Variants in EVA1C observed in about 807,000 individuals in gnomAD.
The protein encoded by EVA1C is protein eva-1 homolog C.
In EVA1C, 25 loss-of-function variants were observed where a neutral mutation model predicts 45.4. That is an observed-to-expected ratio of 0.55 (90% CI 0.40 to 0.77). The LOEUF is 0.77. Ranked by LOEUF, EVA1C falls within the 30% of genes least tolerant of loss-of-function variation. EVA1C has a pLI of 0.00. For missense variants in EVA1C, 479 were observed against 554.8 expected (o/e 0.86, Z 1.37); for synonymous variants, 190 against 221.2 (o/e 0.86, Z 1.25).
chr21:32,488,614 CT>C (rs765219606), intron 4 of EVA1C, among the ~76,000 whole-genome samples: 6 of 148,830 alleles, frequency 4.0e-5, no homozygotes, highest in Non-Finnish European at 8.9e-5. Context: ...GAGATGGAGT[CT>C]TGCTCTGTTG....
At position 32,507,767 on chromosome 21, in the gene EVA1C, T is replaced by C. The variant is rs1220569015; in HGVS notation, c.949+3752T>C. Among the ~76,000 whole-genome samples the C allele has an allele frequency of 2.6e-5, 4 of 151,680 alleles. No homozygotes were observed. In the South Asian group the frequency reaches 8.3e-4, roughly 32 times the overall value. ...ATGTGCATATGTGTTTGCGTGTGTG[T>C]GCATGTATGTGTATCTCTGTGCATA... On this transcript the variant is annotated intron_variant, in intron 7 of 7. Transcript: ENST00000300255.
intron 5 of EVA1C, among the ~76,000 whole-genome samples, chr21:32,497,543 T>C (rs1016487633): frequency 2.6e-5 from 4 of 152,232 alleles, no homozygotes; most frequent in Non-Finnish European, 4.4e-5. Context: ...ATTTTTTTAT[T>C]CTGTACAATA....
intron 2 of EVA1C, among the ~76,000 whole-genome samples, chr21:32,455,979 G>A (rs2035766138): frequency 6.6e-6 from 1 of 152,076 alleles, no homozygotes; most frequent in African/African-American, 2.4e-5. Flanking sequence ...CACAACCTCT[G>A]CCTCCCAGGT....
chr21:32,468,590 C>G (rs113781870), intron 4 of EVA1C, among the ~76,000 whole-genome samples: 2,781 of 152,010 alleles, frequency 0.018, 82 homozygotes, highest in African/African-American at 0.063. Context: ...GCAAGGAGAG[C>G]CAGTTCAAGC....
At chr21:32,433,670 T>C (rs1372026052) in intron 1 of EVA1C, among the ~76,000 whole-genome samples, 1 of 152,190 alleles carries the variant, frequency 6.6e-6, no homozygotes, top group African/African-American at 2.4e-5. Context: ...GTCATATTCA[T>C]AAAGGTGAAC....
At chr21:32,412,572 C>T (rs1245079593), upstream of EVA1C, 2 of 348,580 alleles carry the variant, frequency 5.7e-6, no homozygotes, top group Non-Finnish European at 1.0e-5. Flanking sequence ...CGGCCCCCCT[C>T]GCTTCCTCCG....
At chr21:32,509,936 G>A (rs1001426552) in intron 7 of EVA1C, among the ~76,000 whole-genome samples, 2 of 152,052 alleles carry the variant, frequency 1.3e-5, no homozygotes, top group South Asian at 2.1e-4. Context: ...GGAAGTTCTC[G>A]GGAGTTGAAC....
intron 4 of EVA1C, among the ~76,000 whole-genome samples, chr21:32,484,363 G>A (rs1169528797): frequency 6.6e-6 from 1 of 151,974 alleles, no homozygotes; most frequent in Non-Finnish European, 1.5e-5. Flanking sequence ...GACCAAGATG[G>A]TGAAACCCCA....
intron 3 of EVA1C, among the ~76,000 whole-genome samples, chr21:32,466,383 C>T (rs2036174018): frequency 2.7e-5 from 4 of 147,926 alleles, no homozygotes; most frequent in Admixed American, 2.0e-4. Context: ...CGTGCCACTG[C>T]ACTCCAGCCT....
intron 7 of EVA1C, among the ~76,000 whole-genome samples, chr21:32,505,948 AGAG>A (rs1306635466): frequency 6.6e-6 from 1 of 152,092 alleles, no homozygotes; most frequent in Non-Finnish European, 1.5e-5. Flanking sequence ...GCCGGTGGTC[AGAG>A]GAGTTGAGCC....
At chr21:32,418,026 C>T (rs1222989248) in intron 1 of EVA1C, among the ~76,000 whole-genome samples, 1 of 152,020 alleles carries the variant, frequency 6.6e-6, no homozygotes, top group Non-Finnish European at 1.5e-5. Flanking sequence ...CTGGGTGTCC[C>T]CTTCACCCCC....
intron 3 of EVA1C, among the ~76,000 whole-genome samples, chr21:32,458,671 G>A (rs1296545013): frequency 6.6e-6 from 1 of 151,562 alleles, no homozygotes. Context: ...AATAGAGAGA[G>A]GGTTTTGCCA....
At chr21:32,504,136 G>A in intron 7 of EVA1C, 121 bp downstream of exon 7, 1 of 680,022 alleles carries the variant, frequency 1.5e-6, no homozygotes, top group Non-Finnish European at 2.5e-6. Flanking sequence ...AGTTTAACAT[G>A]CCAACCACCA....
intron 1 of EVA1C, among the ~76,000 whole-genome samples, chr21:32,437,415 C>G (rs1286131300): frequency 6.6e-6 from 1 of 152,166 alleles, no homozygotes; most frequent in Admixed American, 6.5e-5. Context: ...CTTCAAGGGT[C>G]TCTCCAGTCC....
chr21:32,430,627 C>T (rs943535645), intron 1 of EVA1C, among the ~76,000 whole-genome samples: 29 of 152,144 alleles, frequency 1.9e-4, no homozygotes, highest in Non-Finnish European at 1.0e-4. Flanking sequence ...AAAGTCACAT[C>T]TTACATGGCA....
chr21:32,472,382 C>G (rs376337527), intron 4 of EVA1C, among the ~76,000 whole-genome samples: 1 of 152,152 alleles, frequency 6.6e-6, no homozygotes, highest in Non-Finnish European at 1.5e-5. Flanking sequence ...TGGTCTCGAA[C>G]TCTTGACCTC....
At chr21:32,432,412 A>G (rs1185442439) in intron 1 of EVA1C, among the ~76,000 whole-genome samples, 9 of 152,140 alleles carry the variant, frequency 5.9e-5, no homozygotes, top group Non-Finnish European at 1.2e-4. Flanking sequence ...AGAACAGAAG[A>G]AAGAAAGGAA....
intron 3 of EVA1C, among the ~76,000 whole-genome samples, chr21:32,461,863 G>T (rs565425049): frequency 6.6e-6 from 1 of 152,324 alleles, no homozygotes; most frequent in South Asian, 2.1e-4. Flanking sequence ...GATTTAGGCA[G>T]TTCTGGGTTC....
intron 2 of EVA1C, 108 bp from the exon 3 acceptor site, chr21:32,457,489 G>A (rs1312083411): frequency 3.0e-6 from 4 of 1,320,996 alleles, no homozygotes; most frequent in Non-Finnish European, 4.3e-6. Context: ...GCTTGGCCAG[G>A]TGGGGAGGCG....
Sources: gnomAD v4.1 joint callset for allele counts (sites outside exome capture counted in the v4.1 genomes callset) on GRCh38, gnomAD v4.1.1 for gene constraint, MANE v1.5 for transcripts, NCBI Gene and HGNC (gene_info 2026-07-23, HGNC 2026-07-21) for gene names.